The following OGFOD1 variants were observed in gnomAD, a reference collection of about 807,000 sequenced individuals.
OGFOD1 encodes the protein prolyl 3-hydroxylase OGFOD1.
A neutral mutation model predicts 67.7 loss-of-function variants in OGFOD1; 54 were observed. The ratio of observed to expected loss-of-function variants is 0.80; its 90% CI spans 0.64 to 1.00. OGFOD1 has a LOEUF of 1.00. OGFOD1 is among the 50% of genes least tolerant of loss of function. OGFOD1 has a pLI of 0.00. For missense variants in OGFOD1, 606 were observed against 646.7 expected (o/e 0.94, Z 0.68); for synonymous variants, 221 against 227.0 (o/e 0.97, Z 0.24).
chr16:56,474,211 T>C lies in OGFOD1; in HGVS notation c.1286-617T>C, dbSNP rs567412664. Among the ~76,000 whole-genome samples, 66 of 152,252 alleles carry C rather than the reference T, an allele frequency of 4.3e-4. 1 individual carries two copies. In the South Asian group the frequency reaches 0.013, roughly 31 times the overall value. ...TTAGGTAATAACATGCTGAGAAATC[T>C]CTTAAGGTTAGATAAAATAATATTC... On this transcript the variant is annotated intron_variant, in intron 10 of 12. Coordinates refer to ENST00000566157, the MANE Select transcript of OGFOD1 (RefSeq NM_018233.4).
intron 9 of OGFOD1, 187 bp from the exon 10 acceptor site, chr16:56,470,300 C>A: frequency 1.5e-6 from 1 of 664,520 alleles, no homozygotes; most frequent in Non-Finnish European, 2.5e-6. Flanking sequence ...GTTTTGTTCT[C>A]AGGGACATCC....
rs377479662 is a variant in OGFOD1, at chr16:56,453,273, C to G, written c.165C>G (p.Val55=). 1.1e-5 allele frequency: 17 copies of G among 1,607,516 alleles called. No individual in the cohort carries two copies. The highest frequency in any genetic ancestry group is 1.4e-5 in the Non-Finnish European group (16 of 1,178,416). ...RRTPFSHEVI[V]MDMDPFLHCV... is the part of the protein sequence containing the mutation. The stretch of plus-strand genomic sequence containing the variant: ...TTTTTCTTCCAACAGAAGTCATTGT[C>G]ATGGACATGGACCCTTTTCTTCACT... Residue 55 remains valine (V), a synonymous_variant, in exon 2 of 13, where the codon GTC becomes GTG. Transcript: ENST00000566157.
intron 1 of OGFOD1, 32 bp downstream of exon 1, chr16:56,451,798 C>T (rs1299008730): frequency 6.2e-7 from 1 of 1,609,512 alleles, no homozygotes; most frequent in Non-Finnish European, 8.5e-7. Flanking sequence ...GGGGCCGCCA[C>T]GCAGAGGTCT....
intron 2 of OGFOD1, among the ~76,000 whole-genome samples, chr16:56,457,609 C>CTT (rs1338282572): frequency 7.1e-6 from 1 of 141,540 alleles, no homozygotes; most frequent in Non-Finnish European, 1.6e-5. Flanking sequence ...CTTTTTTTTT[C>CTT]TTTTTTTTGC....
chr16:56,465,884 A>G, intron 4 of OGFOD1: 1 of 307,222 alleles, frequency 3.3e-6, no homozygotes, highest in Non-Finnish European at 6.1e-6. Flanking sequence ...TATGTAGGAA[A>G]AATACTGGAA....
At chr16:56,465,839 CTG>C (rs1962873813) in intron 4 of OGFOD1, 1 of 235,820 alleles carries the variant, frequency 4.2e-6, no homozygotes, top group South Asian at 5.7e-5. Context: ...CAAATAGACA[CTG>C]TCGGATGCTA....
chr16:56,476,283 A>G lies in OGFOD1; in HGVS notation c.*78A>G. The G allele has an allele frequency of 7.4e-7, 1 of 1,359,776 alleles. No homozygotes were observed. Among genetic ancestry groups the G allele is most frequent in the Non-Finnish European group, 1.0e-6 (1 of 986,798 alleles). The allele number at this position is 1,359,776 out of a possible 1,614,324, so 84.2% of individuals were successfully genotyped here. A position where few individuals can be genotyped will look rare whatever the true frequency, so the allele number is the denominator to read the frequency against. ...TCTGAAAGAGCTAAGCATGGAGTCA[A>G]GGAGAACTACATGGTAGCTTGCCTG... On this transcript the variant is annotated 3_prime_UTR_variant, in exon 13 of 13. Coordinates refer to ENST00000566157, the MANE Select transcript of OGFOD1 (RefSeq NM_018233.4).
At chr16:56,452,254 T>C (rs1295045259) in intron 1 of OGFOD1, 1 of 153,228 alleles carries the variant, frequency 6.5e-6, no homozygotes, top group East Asian at 1.9e-4. Flanking sequence ...CAGGAGTGGC[T>C]GATGTCATTT....
At chr16:56,456,190 T>C (rs1372027268) in intron 2 of OGFOD1, among the ~76,000 whole-genome samples, 1 of 152,228 alleles carries the variant, frequency 6.6e-6, no homozygotes, top group African/African-American at 2.4e-5. Context: ...CTGGAGACTT[T>C]TTTTTCACTT....
chr16:56,470,804 T>C lies in OGFOD1; in HGVS notation c.1285+13T>C, dbSNP rs747717724. The C allele has an allele frequency of 2.3e-5, 36 of 1,566,690 alleles. No homozygotes were observed. Among genetic ancestry groups the C allele is most frequent in the Non-Finnish European group, 3.0e-5 (35 of 1,158,622 alleles). On this transcript the variant is annotated intron_variant, in intron 10 of 12. Transcript: ENST00000566157. ...GAAACAAAGAAAGGTAAGCTGTTGT[T>C]AGGATTTGTCCTTACTTACCATTAA...
chr16:56,476,211 C>G lies in OGFOD1; in HGVS notation c.*6C>G. 6.2e-7 allele frequency: 1 copy of G among 1,602,614 alleles called. No individual in the cohort carries two copies. The highest frequency in any genetic ancestry group is 1.1e-5 in the South Asian group (1 of 89,264). On this transcript the variant is annotated 3_prime_UTR_variant, in exon 13 of 13. Coordinates refer to ENST00000566157, the MANE Select transcript of OGFOD1 (RefSeq NM_018233.4). ...CATTCATCTATTATGAATGACAGCA[C>G]TGGGCAAAGCTGAACAAAAATGTGA...
rs192684389 is a variant in OGFOD1, at chr16:56,461,517, A to G, written c.348-1017A>G. ...GTTCCGTGAGCTATTCTAGTAAATT[A>G]TCAAACCCAAGGAGGCAGTAGTGTG... On this transcript the variant is annotated intron_variant, in intron 3 of 12. Coordinates refer to ENST00000566157, the MANE Select transcript of OGFOD1 (RefSeq NM_018233.4). Among the ~76,000 whole-genome samples the G allele has an allele frequency of 2.0e-5, 3 of 152,334 alleles. No individual in the cohort carries two copies. The East Asian group carries it at 5.8e-4, about 29-fold the overall frequency.
chr16:56,473,510 A>G (rs528200598), intron 10 of OGFOD1, among the ~76,000 whole-genome samples: 3 of 152,324 alleles, frequency 2.0e-5, no homozygotes, highest in African/African-American at 7.2e-5. Flanking sequence ...ATTTTAAGGC[A>G]GTTGCCAAAT....
chr16:56,464,278 T>G (rs772249513), intron 4 of OGFOD1, among the ~76,000 whole-genome samples: 2 of 152,206 alleles, frequency 1.3e-5, no homozygotes, highest in African/African-American at 4.8e-5. Flanking sequence ...TGTGTCACAT[T>G]ATTAGTGATA....
intron 2 of OGFOD1, chr16:56,454,704 T>A (rs1962465563): frequency 2.6e-6 from 1 of 382,392 alleles, no homozygotes; most frequent in Non-Finnish European, 5.1e-6. Context: ...TTTTTTGCAT[T>A]TTCCCATTTT....
Position 56,470,898 on chromosome 16 carries a change from A to G in OGFOD1, c.1285+107A>G, listed in dbSNP as rs543063683. The stretch of plus-strand genomic sequence containing the variant: ...GAGCATCTACTGTGCCCTAAGCCCT[A>G]TTTCAGGAACTGAAGGACAAAACAG... On this transcript the variant is annotated intron_variant, in intron 10 of 12. Coordinates refer to ENST00000566157, the MANE Select transcript of OGFOD1 (RefSeq NM_018233.4). 14 of 1,176,868 alleles carry G rather than the reference A, an allele frequency of 1.2e-5. No individual in the cohort carries two copies. In the East Asian group the frequency reaches 2.1e-4, roughly 17 times the overall value. 72.9% of individuals were successfully genotyped at this position (1,176,868 alleles called of 1,614,324 possible).
intron 2 of OGFOD1, among the ~76,000 whole-genome samples, chr16:56,457,538 T>C (rs1471616990): frequency 6.6e-6 from 1 of 152,208 alleles, no homozygotes; most frequent in East Asian, 1.9e-4. Flanking sequence ...AAATTGAAAT[T>C]ATGTGGATAA....
At chr16:56,459,233 A>G (rs113742910) in intron 3 of OGFOD1, among the ~76,000 whole-genome samples, 11,748 of 151,944 alleles carry the variant, frequency 0.077, 664 homozygotes, top group East Asian at 0.16. Context: ...CCAGCTACTC[A>G]GGAGGCTGAG....
chr16:56,452,420 C>T (rs1422179096), intron 1 of OGFOD1, among the ~76,000 whole-genome samples: 1 of 152,176 alleles, frequency 6.6e-6, no homozygotes, highest in African/African-American at 2.4e-5. Context: ...AGGAAAGGCG[C>T]CTACGTTGAA....
Sources: allele counts gnomAD v4.1 joint callset (sites outside exome capture counted in the v4.1 genomes callset), GRCh38; gene constraint gnomAD v4.1.1; transcripts MANE v1.5; gene names NCBI Gene and HGNC (gene_info 2026-07-23, HGNC 2026-07-21).